Variants in SPAG9 observed in about 807,000 individuals in gnomAD.
SPAG9 encodes the protein C-Jun-amino-terminal kinase-interacting protein 4.
Under a neutral mutation model 166.5 loss-of-function variants are expected in SPAG9, and 35 were observed. That is an observed-to-expected ratio of 0.21 (90% CI 0.16 to 0.28). The LOEUF (loss-of-function observed/expected upper bound fraction) is 0.28. Ranked by LOEUF, SPAG9 falls within the 10% of genes least tolerant of loss-of-function variation. The probability of loss-of-function intolerance (pLI) is 1.00; values close to 1 mark genes in which losing one functional copy is unlikely to be tolerated. For synonymous variants in SPAG9, 534 were observed against 565.5 expected, an observed-to-expected ratio of 0.94 and a Z score of 0.79; for missense variants, 1,235 against 1,603.3, an observed-to-expected ratio of 0.77 and a Z score of 3.92.
At chr17:51,103,722 T>C (rs917896108) in intron 1 of SPAG9, among the ~76,000 whole-genome samples, 1 of 152,086 alleles carries the variant, frequency 6.6e-6, no homozygotes, top group Non-Finnish European at 1.5e-5. Flanking sequence ...GCCCAGGAAT[T>C]TGAGAAAAAG....
intron 12 of SPAG9, among the ~76,000 whole-genome samples, chr17:51,004,937 AC>A (rs1465026339): frequency 6.6e-6 from 1 of 152,106 alleles, no homozygotes; most frequent in Admixed American, 6.5e-5. Context: ...ACAACCAAAA[AC>A]CCCAAAATGT....
chr17:51,061,702 C>G (rs1229372096), intron 2 of SPAG9, among the ~76,000 whole-genome samples: 3 of 145,400 alleles, frequency 2.1e-5, no homozygotes, highest in African/African-American at 7.7e-5. Flanking sequence ...CAATATTTAT[C>G]TAAATGAATA....
chr17:50,967,629 T>G (rs1048359455), intron 29 of SPAG9, among the ~76,000 whole-genome samples: 1 of 152,250 alleles, frequency 6.6e-6, no homozygotes, highest in Non-Finnish European at 1.5e-5. Flanking sequence ...GACAAAAGGC[T>G]GTCGCCATTT....
chr17:51,073,469 T>C (rs769661098), intron 2 of SPAG9, among the ~76,000 whole-genome samples: 8 of 151,888 alleles, frequency 5.3e-5, no homozygotes, highest in East Asian at 1.9e-4. Context: ...GCCTGGGCAA[T>C]AGAGCTGGAA....
At chr17:50,994,699 T>C (rs1184698169) in intron 18 of SPAG9, among the ~76,000 whole-genome samples, 1 of 152,128 alleles carries the variant, frequency 6.6e-6, no homozygotes, top group African/African-American at 2.4e-5. Flanking sequence ...CAGTGAGCCA[T>C]GATCATGCCA....
chr17:51,092,346 G>C (rs981979488), intron 1 of SPAG9, among the ~76,000 whole-genome samples: 3 of 11,196 alleles, frequency 2.7e-4, no homozygotes, highest in African/African-American at 8.9e-4. Flanking sequence ...AAGAAAAAAA[G>C]AACCATTATA....
chr17:51,102,276 C>T (rs1372369465), intron 1 of SPAG9, among the ~76,000 whole-genome samples: 6 of 151,630 alleles, frequency 4.0e-5, no homozygotes, highest in East Asian at 2.0e-4. Flanking sequence ...TGGTGGCACA[C>T]GCCTGTAGTC....
intron 2 of SPAG9, among the ~76,000 whole-genome samples, chr17:51,076,161 C>T (rs930922754): frequency 6.6e-6 from 1 of 151,774 alleles, no homozygotes; most frequent in African/African-American, 2.4e-5. Context: ...GTGGCTCATG[C>T]CTGTAATGCC....
rs573030562 is a variant in SPAG9, at chr17:51,058,053, A to G, written c.425-1571T>C. Among the ~76,000 whole-genome samples the G allele has an allele frequency of 9.2e-5, 14 of 152,348 alleles. No individual in the cohort carries two copies. The South Asian group carries it at 1.7e-3, about 18-fold the overall frequency. Reference sequence around the variant, plus strand: ...GAATTCTGAGACTACTGGACAAACCATATCTATTTTCAATTGTTCATCTTT... The same window carrying G: ...GAATTCTGAGACTACTGGACAAACCGTATCTATTTTCAATTGTTCATCTTT... On this transcript the variant is annotated intron_variant, in intron 2 of 29. Coordinates refer to ENST00000262013, the MANE Select transcript of SPAG9 (RefSeq NM_001130528.3).
intron 4 of SPAG9, among the ~76,000 whole-genome samples, chr17:51,044,751 T>C (rs940138578): frequency 1.3e-5 from 2 of 152,160 alleles, no homozygotes; most frequent in Non-Finnish European, 2.9e-5. Context: ...TTGGCAGAGT[T>C]TCGATTCAAA....
intron 5 of SPAG9, among the ~76,000 whole-genome samples, chr17:51,039,895 A>G (rs1457103807): frequency 1.3e-5 from 2 of 152,098 alleles, no homozygotes; most frequent in African/African-American, 4.8e-5. Context: ...AATCTATTAA[A>G]CCTGCAGGAA....
At chr17:51,044,030 A>C (rs1246254463) in intron 4 of SPAG9, among the ~76,000 whole-genome samples, 2 of 152,172 alleles carry the variant, frequency 1.3e-5, no homozygotes, top group East Asian at 3.8e-4. Flanking sequence ...ACTACTCTAC[A>C]GGGAGGGGAG....
chr17:51,056,944 G>A (rs1233803424), intron 2 of SPAG9, among the ~76,000 whole-genome samples: 1 of 152,010 alleles, frequency 6.6e-6, no homozygotes, highest in Non-Finnish European at 1.5e-5. Context: ...AGCTCCCTCT[G>A]CTGATGGGTT....
At chr17:51,096,644 T>C (rs532177564) in intron 1 of SPAG9, among the ~76,000 whole-genome samples, 2 of 152,222 alleles carry the variant, frequency 1.3e-5, no homozygotes, top group East Asian at 1.9e-4. Flanking sequence ...ATTTGTAATA[T>C]ATAATGTGGT....
In SPAG9 at chr17:50,996,549, C is replaced by CACATGTGCATATTACCTGTTTGT. The variant is rs751961526; in HGVS notation, c.1961_1968+15dup. ...CTTCTTTCCTGCTGGATGCTCTTAC[C>CACATGTGCATATTACCTGTTTGT]ACATGTGCATATTACCTGTTTGTAC... On this transcript the variant is annotated intron_variant, in intron 16 of 29. Transcript: ENST00000262013. 3 of 1,613,876 alleles carry CACATGTGCATATTACCTGTTTGT rather than the reference C, an allele frequency of 1.9e-6. No homozygotes were observed. Among genetic ancestry groups the CACATGTGCATATTACCTGTTTGT allele is most frequent in the Non-Finnish European group, 2.5e-6 (3 of 1,179,872 alleles).
intron 5 of SPAG9, 106 bp downstream of exon 5, chr17:51,041,395 A>G (rs1473190200): frequency 1.2e-5 from 13 of 1,049,968 alleles, no homozygotes; most frequent in Non-Finnish European, 6.7e-6. Flanking sequence ...AACTAAATGT[A>G]TACAAACAAT....
rs1434963933 is a variant in SPAG9, at chr17:50,974,879, T to C, written c.3592A>G (p.Ser1198Gly). ...AATGTCCCTGGAGTCACTTTATCACTGTTTTCATCACCATATACACGGATT... is the reference window on the plus strand; with the variant it reads ...AATGTCCCTGGAGTCACTTTATCACCGTTTTCATCACCATATACACGGATT... The part of the protein sequence containing the change: ...SVIRVYGDEN[S>G]DKVTPGTFIP... Residue 1198 changes from serine (S) to glycine (G), a missense_variant, in exon 28 of 30, where the codon AGT becomes GGT. Physicochemically the swap from Ser to Gly is moderately conservative, Grantham distance 56. Around this residue, in one of 6 missense-constraint regions of SPAG9, gnomAD observed 243 missense variants for 358.6 expected, o/e 0.68. Transcript: ENST00000262013. 1 of 1,613,448 alleles carries C rather than the reference T, an allele frequency of 6.2e-7. No individual in the cohort carries two copies. Among genetic ancestry groups the C allele is most frequent in the Non-Finnish European group, 8.5e-7 (1 of 1,179,888 alleles).
At chr17:50,974,332 A>T (rs1251196173) in intron 28 of SPAG9, among the ~76,000 whole-genome samples, 2 of 152,180 alleles carry the variant, frequency 1.3e-5, no homozygotes, top group Non-Finnish European at 2.9e-5. Context: ...TTAGTGGCAG[A>T]GACACAGGGG....
At chr17:51,100,229 GC>G (rs1238457210) in intron 1 of SPAG9, among the ~76,000 whole-genome samples, 5 of 152,156 alleles carry the variant, frequency 3.3e-5, no homozygotes, top group African/African-American at 1.2e-4. Context: ...TTAATTCCTG[GC>G]CCTTGGCTAG....
Sources: gnomAD v4.1 joint callset for allele counts (sites outside exome capture counted in the v4.1 genomes callset) on GRCh38, gnomAD v4.1.1 for gene constraint, gnomAD v4.1.1 regional missense constraint, MANE v1.5 for transcripts, NCBI Gene and HGNC (gene_info 2026-07-23, HGNC 2026-07-21) for gene names.